Variants in CUL4B observed in about 807,000 individuals in gnomAD.
The protein encoded by CUL4B is cullin 4B, also known as cullin-4B.
A neutral mutation model predicts 69.2 loss-of-function variants in CUL4B; 1 was observed. The observed-to-expected ratio is 0.01, with a 90% CI of 0.01 to 0.07. The LOEUF (loss-of-function observed/expected upper bound fraction) is 0.07. Among genes scored for constraint, CUL4B ranks in the 10% least tolerant of loss-of-function variants. The pLI is 1.00. For missense variants in CUL4B, 328 were observed against 638.8 expected, an observed-to-expected ratio of 0.51 and a Z score of 5.24; for synonymous variants, 237 against 223.2, an observed-to-expected ratio of 1.06 and a Z score of -0.55.
At chrX:120,566,798 T>A (rs1353177902), downstream of CUL4B, among the ~76,000 whole-genome samples, 6 of 111,589 alleles carry the variant, frequency 5.4e-5, no homozygotes, top group Non-Finnish European at 1.9e-5. Context: ...TCAGAGATTT[T>A]ATCTGTCATA....
intron 18 of CUL4B, 170 bp downstream of exon 18, chrX:120,532,252 C>A: frequency 2.3e-6 from 1 of 436,862 alleles, no homozygotes; most frequent in Non-Finnish European, 4.0e-6. Flanking sequence ...TCCTGTACAA[C>A]CACTCTCCCA....
At chrX:120,561,359 G>C (rs757398611), upstream of CUL4B, 17 of 562,346 alleles carry the variant, frequency 3.0e-5, no homozygotes, top group African/African-American at 3.9e-4. Flanking sequence ...GCTTCGCGCC[G>C]CAGCGCCCTT....
intron 2 of CUL4B, among the ~76,000 whole-genome samples, chrX:120,548,997 T>C (rs765309077): frequency 8.9e-5 from 10 of 112,346 alleles, no homozygotes; most frequent in Non-Finnish European, 1.5e-4. Flanking sequence ...TTTCCTGTTA[T>C]GCATATATAA....
At chrX:120,554,296 T>C (rs1924847327) in intron 2 of CUL4B, among the ~76,000 whole-genome samples, 1 of 111,848 alleles carries the variant, frequency 8.9e-6, no homozygotes, top group Non-Finnish European at 1.9e-5. Context: ...GAGAAGTAAC[T>C]CGCCCAAAGT....
upstream of CUL4B, among the ~76,000 whole-genome samples, chrX:120,562,780 G>A (rs1203518887): frequency 1.8e-5 from 2 of 111,770 alleles, no homozygotes; most frequent in Non-Finnish European, 3.8e-5. Context: ...AGTGAGGCTG[G>A]GAAGTAGGAT....
At chrX:120,558,840 C>G (rs112775410) in intron 1 of CUL4B, among the ~76,000 whole-genome samples, 167 of 111,380 alleles carry the variant, frequency 1.5e-3, no homozygotes, top group Non-Finnish European at 1.1e-3. Context: ...TCTCTGAAAC[C>G]AATTTGAAAA....
chrX:120,565,722 CTTTT>C (rs757952500), upstream of CUL4B, among the ~76,000 whole-genome samples: 1 of 59,446 alleles, frequency 1.7e-5, no homozygotes, highest in East Asian at 5.9e-4. Context: ...AGTCCATTTA[CTTTT>C]TTTTTTTTTT....
intron 11 of CUL4B, among the ~76,000 whole-genome samples, chrX:120,539,694 C>T (rs1352558424): frequency 8.9e-6 from 1 of 111,866 alleles, no homozygotes; most frequent in East Asian, 2.8e-4. Context: ...ATCATGTAAT[C>T]CAAGCCACGA....
chrX:120,540,745 C>A (rs1312340328), intron 10 of CUL4B, among the ~76,000 whole-genome samples, 183 bp from the exon 11 acceptor site: 1 of 112,064 alleles, frequency 8.9e-6, no homozygotes, highest in Admixed American at 9.5e-5. Context: ...TGAAAGGATC[C>A]TCCTGCCTCA....
chrX:120,547,097 G>T, intron 3 of CUL4B, 39 bp downstream of exon 3: 1 of 964,451 alleles, frequency 1.0e-6, no homozygotes. Context: ...CAGAGAGGAA[G>T]ACAAAACTAT....
In CUL4B at chrX:120,560,438, A is replaced by G. The variant is rs773023455; in HGVS notation, c.201T>C (p.Thr67=). 1.7e-6 allele frequency: 2 copies of G among 1,210,381 alleles called. No individual in the cohort carries two copies. Among genetic ancestry groups the G allele is most frequent in the East Asian group, 5.9e-5 (2 of 33,816 alleles). Residue 67 remains threonine (T), a synonymous_variant, in exon 1 of 20, where the codon ACT becomes ACC. Transcript: ENST00000371322. Reference sequence around the variant, plus strand: ...CCGAATCCCTGGGTTGTAAAGGAGGAGTGGAAGAGGAGGAAGAGGTGGAAT... The same window carrying G: ...CCGAATCCCTGGGTTGTAAAGGAGGGGTGGAAGAGGAGGAAGAGGTGGAAT... ...DFDSTSSSSS[T]PPLQPRDSAS...
At chrX:120,562,518 T>C (rs1347962430), upstream of CUL4B, among the ~76,000 whole-genome samples, 1 of 111,962 alleles carries the variant, frequency 8.9e-6, no homozygotes, top group East Asian at 2.8e-4. Context: ...TAGGGGAAGA[T>C]AGTTTCAAAA....
chrX:120,535,652 G>A (rs1923613971), intron 16 of CUL4B, among the ~76,000 whole-genome samples, 178 bp downstream of exon 16: 1 of 87,552 alleles, frequency 1.1e-5, no homozygotes, highest in Non-Finnish European at 2.1e-5. Context: ...GTTGCGGTGA[G>A]CCAAGATAGC....
intron 16 of CUL4B, 92 bp downstream of exon 16, chrX:120,535,738 A>G: frequency 5.3e-6 from 3 of 568,380 alleles, no homozygotes; most frequent in South Asian, 5.0e-5. Flanking sequence ...AGAAGAAAAC[A>G]AAAAACAATA....
intron 2 of CUL4B, among the ~76,000 whole-genome samples, chrX:120,551,094 T>C (rs1371421638): frequency 8.9e-6 from 1 of 111,872 alleles, no homozygotes; most frequent in Non-Finnish European, 1.9e-5. Context: ...TCAAAAAACT[T>C]AAATACTTGC....
chrX:120,527,062 CT>C (rs918835696), intron 19 of CUL4B, among the ~76,000 whole-genome samples: 203 of 100,720 alleles, frequency 2.0e-3, no homozygotes, highest in African/African-American at 4.1e-3. Context: ...GTTGAAGATT[CT>C]TTTTTTTTTT....
intron 18 of CUL4B, 35 bp downstream of exon 18, chrX:120,532,387 A>G: frequency 9.3e-7 from 1 of 1,070,621 alleles, no homozygotes; most frequent in Non-Finnish European, 1.3e-6. Flanking sequence ...GTATAATTCC[A>G]GTGTGTTAGG....
intron 1 of CUL4B, chrX:120,559,875 A>C: frequency 1.7e-6 from 2 of 1,146,924 alleles, no homozygotes; most frequent in Non-Finnish European, 2.3e-6. Context: ...ACTGCACAGA[A>C]ACACCCGGTG....
At chrX:120,530,878 A>G (rs987492269) in intron 18 of CUL4B, among the ~76,000 whole-genome samples, 1 of 112,402 alleles carries the variant, frequency 8.9e-6, no homozygotes, top group African/African-American at 3.2e-5. Flanking sequence ...AACCAAAAAA[A>G]CAGTTTGGCC....
Sources: allele counts gnomAD v4.1 joint callset (sites outside exome capture counted in the v4.1 genomes callset), GRCh38; gene constraint gnomAD v4.1.1; transcripts MANE v1.5; gene names NCBI Gene and HGNC (gene_info 2026-07-23, HGNC 2026-07-21).